CSMD1: variants seen among roughly 807,000 people sequenced by gnomAD.
CSMD1 encodes CUB and Sushi multiple domains 1.
Under a neutral mutation model 417.5 loss-of-function variants are expected in CSMD1, and 213 were observed. The ratio of observed to expected loss-of-function variants is 0.51; its 90% CI spans 0.46 to 0.57. CSMD1 has a LOEUF of 0.57. Among genes scored for constraint, CSMD1 ranks in the 20% least tolerant of loss-of-function variants. The pLI is 0.00. For missense variants in CSMD1, 6,923 were observed against 4,529.7 expected, an observed-to-expected ratio of 1.53 and a Z score of -15.17; for synonymous variants, 2,862 against 1,736.8, an observed-to-expected ratio of 1.65 and a Z score of -16.11.
At chr8:4,975,408 A>C (rs1810491826) in intron 1 of CSMD1, among the ~76,000 whole-genome samples, 1 of 152,224 alleles carries the variant, frequency 6.6e-6, no homozygotes, top group South Asian at 2.1e-4. Flanking sequence ...AAGCGGCCTT[A>C]TTGAATGTGG....
intron 1 of CSMD1, among the ~76,000 whole-genome samples, chr8:4,900,651 G>T (rs769747420): frequency 7.2e-5 from 11 of 152,102 alleles, no homozygotes; most frequent in Non-Finnish European, 1.6e-4. Flanking sequence ...TCCTGTACTC[G>T]CCCTACTCTC....
chr8:3,492,744 T>G (rs891986081), intron 11 of CSMD1, among the ~76,000 whole-genome samples: 8 of 152,202 alleles, frequency 5.3e-5, no homozygotes, highest in African/African-American at 1.9e-4. Context: ...GGGATCAGTC[T>G]GCAAATATTC....
intron 3 of CSMD1, among the ~76,000 whole-genome samples, chr8:4,360,658 T>A (rs2128907340): frequency 6.8e-6 from 1 of 146,844 alleles, no homozygotes; most frequent in Admixed American, 6.7e-5. Context: ...ACCTGGCTAA[T>A]TTTTTTTTTG....
intron 1 of CSMD1, among the ~76,000 whole-genome samples, chr8:4,715,250 CTG>C (rs1432929027): frequency 1.3e-5 from 2 of 152,220 alleles, no homozygotes; most frequent in East Asian, 3.9e-4. Flanking sequence ...ATAACCTAAC[CTG>C]TGTTTGGCTC....
intron 3 of CSMD1, among the ~76,000 whole-genome samples, chr8:4,046,550 G>T (rs1199899412): frequency 6.6e-6 from 1 of 152,300 alleles, no homozygotes; most frequent in Admixed American, 6.5e-5. Context: ...TCTGTACATA[G>T]TATAACTGTG....
At chr8:4,426,110 C>T (rs1797538051) in intron 2 of CSMD1, among the ~76,000 whole-genome samples, 1 of 151,208 alleles carries the variant, frequency 6.6e-6, no homozygotes, top group Non-Finnish European at 1.5e-5. Context: ...AATCTTATCG[C>T]CTATGGATGT....
At chr8:3,643,493 G>C (rs1295547360) in intron 7 of CSMD1, among the ~76,000 whole-genome samples, 2 of 151,866 alleles carry the variant, frequency 1.3e-5, no homozygotes, top group Admixed American at 6.6e-5. Flanking sequence ...ACAAGGTCAG[G>C]AGATCGAAAC....
At chr8:4,127,546 G>A (rs1281248780) in intron 3 of CSMD1, among the ~76,000 whole-genome samples, 1 of 149,576 alleles carries the variant, frequency 6.7e-6, no homozygotes, top group South Asian at 2.1e-4. Context: ...GGTTTTCCTA[G>A]TCAGTTTTCC....
intron 1 of CSMD1, among the ~76,000 whole-genome samples, chr8:4,972,773 C>G (rs1810321226): frequency 6.8e-6 from 1 of 147,138 alleles, no homozygotes; most frequent in South Asian, 2.1e-4. Context: ...ATCTAAATGA[C>G]AGGCATCATG....
chr8:3,673,070 C>A (rs78969439), intron 7 of CSMD1, among the ~76,000 whole-genome samples: 1 of 152,210 alleles, frequency 6.6e-6, no homozygotes, highest in East Asian at 1.9e-4. Flanking sequence ...GATTGATATA[C>A]TGTAAATGTT....
chr8:3,317,281 G>A (rs1805837632), intron 23 of CSMD1, among the ~76,000 whole-genome samples: 1 of 152,146 alleles, frequency 6.6e-6, no homozygotes, highest in African/African-American at 2.4e-5. Flanking sequence ...AACATGCTTT[G>A]GATATGTTAG....
At chr8:3,713,715 A>G (rs1801660404) in intron 6 of CSMD1, among the ~76,000 whole-genome samples, 3 of 152,248 alleles carry the variant, frequency 2.0e-5, no homozygotes, top group African/African-American at 4.8e-5. Flanking sequence ...AATTCTTTCA[A>G]ACAAATGTAA....
intron 5 of CSMD1, among the ~76,000 whole-genome samples, chr8:3,915,408 A>G (rs1029059820): frequency 0.011 from 1,144 of 104,128 alleles, 14 homozygotes; most frequent in African/African-American, 0.04. Flanking sequence ...TCTGTCTCAA[A>G]AAAAAAAAAA....
chr8:2,965,525 A>G (rs944169900), intron 59 of CSMD1, among the ~76,000 whole-genome samples: 7 of 152,004 alleles, frequency 4.6e-5, no homozygotes, highest in Non-Finnish European at 8.8e-5. Context: ...CCGTCACTGA[A>G]CCCCGACATC....
chr8:4,651,969 G>C (rs374243529), intron 1 of CSMD1, among the ~76,000 whole-genome samples: 2 of 152,126 alleles, frequency 1.3e-5, no homozygotes, highest in East Asian at 1.9e-4. Flanking sequence ...TCTGGGTCTA[G>C]CTCCCTAAGT....
chr8:4,836,027 G>A (rs1316074089), intron 1 of CSMD1, among the ~76,000 whole-genome samples: 1 of 152,076 alleles, frequency 6.6e-6, no homozygotes, highest in Admixed American at 6.6e-5. Context: ...AAAATAAATA[G>A]AGATGGTTTC....
intron 2 of CSMD1, among the ~76,000 whole-genome samples, chr8:4,511,966 C>G (rs1377974076): frequency 6.6e-6 from 1 of 152,186 alleles, no homozygotes; most frequent in Non-Finnish European, 1.5e-5. Flanking sequence ...CTAACATCAA[C>G]ACCAGACAGA....
chr8:3,108,454 A>G lies in CSMD1; in HGVS notation c.6754+149T>C, dbSNP rs937424368. The G allele has an allele frequency of 7.3e-6, 5 of 685,266 alleles. No individual in the cohort carries two copies. The Admixed American group carries it at 9.0e-5, about 12-fold the overall frequency. 42.4% of individuals were successfully genotyped at this position (685,266 alleles called of 1,614,324 possible). ...GACATCATTAAACAAAAAAAGGACC[A>G]CAGGAAACGCTGGCCTCCAGTGCAA... On this transcript the variant is annotated intron_variant, in intron 44 of 69. Transcript: ENST00000635120.
At chr8:3,223,255 T>C (rs745923071) in intron 28 of CSMD1, among the ~76,000 whole-genome samples, 2 of 152,220 alleles carry the variant, frequency 1.3e-5, no homozygotes, top group Admixed American at 6.5e-5. Context: ...ACTCAGACTT[T>C]ACAGCAACCA....
Sources: gnomAD v4.1 joint callset for allele counts (sites outside exome capture counted in the v4.1 genomes callset) on GRCh38, gnomAD v4.1.1 for gene constraint, MANE v1.5 for transcripts, NCBI Gene and HGNC (gene_info 2026-07-23, HGNC 2026-07-21) for gene names.